Variants in ZBTB20 observed in about 807,000 individuals in gnomAD.
The protein encoded by ZBTB20 is zinc finger and BTB domain-containing protein 20.
Under a neutral mutation model 56.9 loss-of-function variants are expected in ZBTB20, and 9 were observed. The ratio of observed to expected loss-of-function variants is 0.16; its 90% CI spans 0.10 to 0.28. The LOEUF (loss-of-function observed/expected upper bound fraction) is 0.28. Among genes scored for constraint, ZBTB20 ranks in the 10% least tolerant of loss-of-function variants. The pLI, the probability that ZBTB20 is intolerant of heterozygous loss-of-function variation, is 1.00. For missense variants in ZBTB20, 655 were observed against 1,003.0 expected, an observed-to-expected ratio of 0.65 and a Z score of 4.69; for synonymous variants, 417 against 420.7, an observed-to-expected ratio of 0.99 and a Z score of 0.11.
Position 114,809,155 on chromosome 3 carries a change from G to A in ZBTB20, c.-416-7981C>T, listed in dbSNP as rs1205586806. Among the ~76,000 whole-genome samples the A allele has an allele frequency of 2.6e-5, 4 of 151,806 alleles. No individual in the cohort carries two copies. The East Asian group carries it at 5.8e-4, about 22-fold the overall frequency. Reference sequence around the variant, plus strand: ...TTTGACTATAATGTGTCTATGTACAGATTTTTTTTGTGTTTATCCAACATG... The same window carrying A: ...TTTGACTATAATGTGTCTATGTACAAATTTTTTTTGTGTTTATCCAACATG... On this transcript the variant is annotated intron_variant, in intron 4 of 11. Transcript: ENST00000675478.
intron 2 of ZBTB20, among the ~76,000 whole-genome samples, 177 bp downstream of exon 2, chr3:115,071,042 T>C (rs923230362): frequency 6.6e-6 from 1 of 151,926 alleles, no homozygotes; most frequent in African/African-American, 2.4e-5. Flanking sequence ...GTAGTCAGAA[T>C]TATATAAAAT....
intron 6 of ZBTB20, among the ~76,000 whole-genome samples, chr3:114,602,210 G>A (rs1034285246): frequency 1.1e-4 from 16 of 152,002 alleles, no homozygotes; most frequent in African/African-American, 3.4e-4. Flanking sequence ...TTACCTAAAG[G>A]CTGACACTGA....
intron 3 of ZBTB20, among the ~76,000 whole-genome samples, chr3:114,941,986 CA>C (rs781076431): frequency 5.5e-5 from 8 of 146,046 alleles, no homozygotes; most frequent in Non-Finnish European, 8.9e-5. Context: ...ACCCCATGTA[CA>C]AAAGTACTGT....
At chr3:114,860,799 T>C (rs956435936) in intron 4 of ZBTB20, among the ~76,000 whole-genome samples, 2 of 152,248 alleles carry the variant, frequency 1.3e-5, no homozygotes, top group African/African-American at 4.8e-5. Flanking sequence ...TCAGGTTTTA[T>C]CAGAATAGAC....
intron 5 of ZBTB20, among the ~76,000 whole-genome samples, chr3:114,719,072 C>T (rs2108484215): frequency 6.7e-6 from 1 of 150,090 alleles, no homozygotes; most frequent in Admixed American, 6.7e-5. Flanking sequence ...TCCACACAAG[C>T]AGAAGGAGCC....
chr3:114,916,302 G>A (rs529400973), intron 3 of ZBTB20, among the ~76,000 whole-genome samples: 3 of 152,114 alleles, frequency 2.0e-5, no homozygotes, highest in South Asian at 2.1e-4. Context: ...TAATTACATA[G>A]TGACCTTCTT....
In ZBTB20 at chr3:114,337,377, A is replaced by G. The variant is rs2079495843; in HGVS notation, c.*1628T>C. The G allele has an allele frequency of 6.6e-6, 1 of 152,252 alleles. No individual in the cohort carries two copies. The highest frequency in any genetic ancestry group is 2.4e-5 in the African/African-American group (1 of 41,464). 9.4% of individuals were successfully genotyped at this position (152,252 alleles called of 1,614,324 possible). The stretch of plus-strand genomic sequence containing the variant: ...GATCACAAAAGAAAAGACCCCATTT[A>G]TCAAGACTTCTAGACTATTAGTGTT... On this transcript the variant is annotated 3_prime_UTR_variant, in exon 12 of 12. Transcript: ENST00000675478.
rs529570793 is a variant in ZBTB20 at position 114,891,436 on chromosome 3, C to A, written c.-417+8868G>T. Among the ~76,000 whole-genome samples the A allele has an allele frequency of 2.2e-4, 34 of 152,320 alleles. 2 individuals carry two copies. The South Asian group carries it at 4.1e-3, about 19-fold the overall frequency. On this transcript the variant is annotated intron_variant, in intron 4 of 11. Transcript: ENST00000675478. ...TTCTTGCATGTAATACTTCTCTATG[C>A]TCACAGCATGTAGTCATGCCTTGAA...
chr3:115,030,555 A>G (rs1337001101), intron 2 of ZBTB20, among the ~76,000 whole-genome samples: 2 of 151,244 alleles, frequency 1.3e-5, no homozygotes, highest in Admixed American at 1.3e-4. Context: ...AATGTCTTCT[A>G]ATTAAGATTA....
intron 6 of ZBTB20, among the ~76,000 whole-genome samples, chr3:114,656,550 T>C (rs1326874911): frequency 6.6e-6 from 1 of 152,186 alleles, no homozygotes; most frequent in East Asian, 1.9e-4. Context: ...TTCTCTCTGT[T>C]CTTTACATTA....
At chr3:114,348,713 T>C (rs113695204) in intron 11 of ZBTB20, among the ~76,000 whole-genome samples, 212 of 152,388 alleles carry the variant, frequency 1.4e-3, no homozygotes, top group African/African-American at 4.8e-3. Flanking sequence ...ATTCCATGTT[T>C]GATGCCTTGC....
intron 6 of ZBTB20, among the ~76,000 whole-genome samples, chr3:114,616,166 C>G (rs1280633293): frequency 6.6e-6 from 1 of 152,188 alleles, no homozygotes; most frequent in African/African-American, 2.4e-5. Flanking sequence ...AAAGCACTAT[C>G]GATTTCAATT....
intron 1 of ZBTB20, among the ~76,000 whole-genome samples, chr3:115,073,304 T>A (rs1225530159): frequency 6.6e-6 from 1 of 152,216 alleles, no homozygotes; most frequent in African/African-American, 2.4e-5. Context: ...ATAATCTACT[T>A]CAAACTACTG....
At chr3:114,841,903 A>G (rs1216020075) in intron 4 of ZBTB20, among the ~76,000 whole-genome samples, 5 of 152,180 alleles carry the variant, frequency 3.3e-5, no homozygotes, top group Non-Finnish European at 2.9e-5. Context: ...AGAGAGCCTA[A>G]GAGAGAGTTC....
chr3:114,680,594 C>T (rs959300290), intron 6 of ZBTB20, among the ~76,000 whole-genome samples: 2 of 152,210 alleles, frequency 1.3e-5, no homozygotes, highest in Admixed American at 6.5e-5. Flanking sequence ...GAGTCATTCA[C>T]TCAATCATTC....
At chr3:114,444,337 A>G (rs974154567) in intron 7 of ZBTB20, among the ~76,000 whole-genome samples, 2 of 152,140 alleles carry the variant, frequency 1.3e-5, no homozygotes, top group Admixed American at 1.3e-4. Context: ...TTAACTCCAG[A>G]GTCTCTAGGG....
intron 1 of ZBTB20, among the ~76,000 whole-genome samples, chr3:115,145,688 G>A (rs1420719907): frequency 1.3e-5 from 2 of 152,166 alleles, no homozygotes; most frequent in Admixed American, 1.3e-4. Context: ...GTATGTGACC[G>A]GGAGTGGAGG....
chr3:114,525,307 C>G (rs1178481229), intron 6 of ZBTB20, among the ~76,000 whole-genome samples: 1 of 152,072 alleles, frequency 6.6e-6, no homozygotes, highest in Non-Finnish European at 1.5e-5. Context: ...GCTGATGAAT[C>G]CTTATATTCT....
intron 5 of ZBTB20, among the ~76,000 whole-genome samples, chr3:114,746,544 G>T (rs2067060978): frequency 6.6e-6 from 1 of 152,088 alleles, no homozygotes; most frequent in South Asian, 2.1e-4. Flanking sequence ...GTCAGAGAGA[G>T]ATCTCTTCCC....
Sources: allele counts gnomAD v4.1 joint callset (sites outside exome capture counted in the v4.1 genomes callset), GRCh38; gene constraint gnomAD v4.1.1; transcripts MANE v1.5; gene names NCBI Gene and HGNC (gene_info 2026-07-23, HGNC 2026-07-21).